The following PPP1R1C variants were observed in gnomAD, a reference collection of about 807,000 sequenced individuals.
PPP1R1C encodes protein phosphatase 1 regulatory subunit 1C.
A neutral mutation model predicts 17.4 loss-of-function variants in PPP1R1C; 15 were observed. The ratio of observed to expected loss-of-function variants is 0.86; its 90% CI spans 0.58 to 1.33. The LOEUF (loss-of-function observed/expected upper bound fraction) is 1.33, where lower values mean the gene tolerates loss of function less well. Ranked by LOEUF, PPP1R1C falls within the 40% of genes most tolerant of loss-of-function variation. The pLI, the probability that PPP1R1C is intolerant of heterozygous loss-of-function variation, is 0.00. For synonymous variants in PPP1R1C, 35 were observed against 43.1 expected, an observed-to-expected ratio of 0.81 and a Z score of 0.73; for missense variants, 143 against 130.0, an observed-to-expected ratio of 1.10 and a Z score of -0.48.
downstream of PPP1R1C, among the ~76,000 whole-genome samples, chr2:182,120,068 C>G (rs1035381525): frequency 6.6e-6 from 1 of 151,894 alleles, no homozygotes; most frequent in Non-Finnish European, 1.5e-5. Context: ...TAATCCATCT[C>G]GAATTAATTT....
intron 4 of PPP1R1C, among the ~76,000 whole-genome samples, chr2:182,077,504 T>C (rs1688348481): frequency 6.6e-6 from 1 of 152,244 alleles, no homozygotes; most frequent in Admixed American, 6.5e-5. Context: ...TGCATCTATA[T>C]CAGCATCCTT....
rs1684693247 is a variant in PPP1R1C, at chr2:181,957,674, A to G, written n.111+3040A>G. 6.6e-6 allele frequency among the ~76,000 whole-genome samples: 1 copy of G among 152,148 alleles called. No individual in the cohort carries two copies. Among genetic ancestry groups the G allele is most frequent in the East Asian group, 1.9e-4 (1 of 5,198 alleles). On this transcript the variant is annotated intron_variant and non_coding_transcript_variant, in intron 1 of 5. Transcript: ENST00000464264. This position sits in a 1 kb window ranked among gnomAD's most constrained non-coding sequence, Gnocchi z 4.2. ...CTTATACCCAAATAATCAAAATCTG[A>G]TAATTCCCATTGCATACCTTAGGAA...
At chr2:182,003,509 A>G (rs1574368298) in intron 2 of PPP1R1C, among the ~76,000 whole-genome samples, 1 of 152,170 alleles carries the variant, frequency 6.6e-6, no homozygotes, top group African/African-American at 2.4e-5. Context: ...GGACATGGAC[A>G]TACAAGAAAT....
chr2:182,083,250 A>G (rs1048501994), intron 4 of PPP1R1C, among the ~76,000 whole-genome samples: 4 of 152,128 alleles, frequency 2.6e-5, no homozygotes, highest in Non-Finnish European at 4.4e-5. Flanking sequence ...TTTTTCATAT[A>G]TATTTATTTT....
At chr2:182,010,515 T>G (rs138608412) in intron 2 of PPP1R1C, among the ~76,000 whole-genome samples, 1 of 152,056 alleles carries the variant, frequency 6.6e-6, no homozygotes, top group Non-Finnish European at 1.5e-5. Context: ...GTTATACTAG[T>G]TTTTTGGTGG....
intron 1 of PPP1R1C, among the ~76,000 whole-genome samples, chr2:181,972,232 G>A (rs1044027466): frequency 8.5e-5 from 13 of 152,056 alleles, no homozygotes; most frequent in Non-Finnish European, 1.6e-4. Flanking sequence ...TTAGATATTC[G>A]AAGTCTTGGA....
At chr2:182,048,710 T>G (rs532937120) in intron 2 of PPP1R1C, 1 of 152,342 alleles carries the variant, frequency 6.6e-6, no homozygotes, top group South Asian at 2.1e-4. Flanking sequence ...CTATGGAATT[T>G]TTTGTTTTTG....
At chr2:182,038,803 T>A (rs973535777) in intron 2 of PPP1R1C, among the ~76,000 whole-genome samples, 2 of 152,234 alleles carry the variant, frequency 1.3e-5, no homozygotes, top group East Asian at 3.8e-4. Flanking sequence ...TAGTGCTCAG[T>A]TCTAAGGATC....
In PPP1R1C at chr2:182,117,214, G is replaced by C; in HGVS notation, c.249G>C (p.Lys83Asn). The C allele has an allele frequency of 6.5e-7, 1 of 1,549,332 alleles. No individual in the cohort carries two copies. The highest frequency in any genetic ancestry group is 1.2e-5 in the South Asian group (1 of 83,400). ...TAATTTTTATAATTTCAGGGGTTAAGCATCTGAAAGGCCAGAATGAATCAG... is the reference window on the plus strand; with the variant it reads ...TAATTTTTATAATTTCAGGGGTTAACCATCTGAAAGGCCAGAATGAATCAG... ...VYTPPTIKGV[K>N]HLKGQNESAF... Residue 83 changes from lysine to asparagine, a missense_variant, in exon 5 of 5, where the codon AAG becomes AAC. By Grantham distance (94) the Lys-to-Asn change is moderately conservative. Transcript: ENST00000682840.
intron 4 of PPP1R1C, chr2:182,103,461 A>G (rs976469017): frequency 6.6e-6 from 1 of 152,238 alleles, no homozygotes; most frequent in Admixed American, 6.5e-5. Flanking sequence ...GTTAAAATCT[A>G]TGTAAAAAGA....
At chr2:182,100,182 G>C (rs1689055648) in intron 4 of PPP1R1C, among the ~76,000 whole-genome samples, 1 of 152,064 alleles carries the variant, frequency 6.6e-6, no homozygotes, top group African/African-American at 2.4e-5. Flanking sequence ...TCCCTTTTCT[G>C]TCTTCCATCT....
chr2:182,040,551 A>G (rs1307479320), intron 2 of PPP1R1C, among the ~76,000 whole-genome samples: 1 of 151,956 alleles, frequency 6.6e-6, no homozygotes, highest in African/African-American at 2.4e-5. Flanking sequence ...GATTCTGGAT[A>G]TTGGTCCTTT....
At chr2:182,045,368 C>T (rs1018586577) in intron 2 of PPP1R1C, among the ~76,000 whole-genome samples, 18 of 151,068 alleles carry the variant, frequency 1.2e-4, no homozygotes, top group African/African-American at 4.4e-4. Context: ...TTTTTCAAGT[C>T]GATAAAAACT....
chr2:182,071,417 A>G (rs1293100397), intron 4 of PPP1R1C, among the ~76,000 whole-genome samples: 2 of 152,202 alleles, frequency 1.3e-5, no homozygotes, highest in African/African-American at 2.4e-5. Context: ...ATAAAGTAAC[A>G]TTTCATCCCA....
At position 182,063,690 on chromosome 2, in the gene PPP1R1C, A is replaced by G. The variant is rs370563299; in HGVS notation, c.181-41A>G. On this transcript the variant is annotated intron_variant, in intron 3 of 4. Transcript: ENST00000682840. ...CAGGTCTGATGGCATCGTACTTTGT[A>G]TCCAAATCTAAGGCTTTTACTTTTT... 7 of 1,513,990 alleles carry G rather than the reference A, an allele frequency of 4.6e-6. No individual in the cohort carries two copies. In the African/African-American group the frequency reaches 6.9e-5, roughly 15 times the overall value. 93.8% of individuals were successfully genotyped at this position (1,513,990 alleles called of 1,614,324 possible).
intron 4 of PPP1R1C, among the ~76,000 whole-genome samples, chr2:182,080,824 T>C (rs1327429852): frequency 6.6e-6 from 1 of 152,170 alleles, no homozygotes; most frequent in Non-Finnish European, 1.5e-5. Context: ...AGCTCTGGCC[T>C]CAGTTTTCTT....
At chr2:182,090,001 T>C (rs1688736559) in intron 4 of PPP1R1C, among the ~76,000 whole-genome samples, 2 of 152,134 alleles carry the variant, frequency 1.3e-5, no homozygotes, top group Admixed American at 1.3e-4. Flanking sequence ...ATAAGTAATA[T>C]ATTTGAATTT....
intron 1 of PPP1R1C, among the ~76,000 whole-genome samples, chr2:181,955,567 A>T (rs1684656773): frequency 6.6e-6 from 1 of 152,228 alleles, no homozygotes; most frequent in African/African-American, 2.4e-5. Context: ...AGTGTTTTCT[A>T]GGCAATATGT....
intron 4 of PPP1R1C, among the ~76,000 whole-genome samples, chr2:182,114,176 T>C (rs1211472405): frequency 6.6e-6 from 1 of 152,270 alleles, no homozygotes; most frequent in Admixed American, 6.5e-5. Context: ...TTTTTTGGGA[T>C]TCCTTGGTTT....
Sources: allele counts gnomAD v4.1 joint callset (sites outside exome capture counted in the v4.1 genomes callset), GRCh38; gene constraint gnomAD v4.1.1; non-coding constraint Gnocchi (gnomAD v3.1); transcripts MANE v1.5; gene names NCBI Gene and HGNC (gene_info 2026-07-23, HGNC 2026-07-21).